RPP21: variants seen among roughly 807,000 people sequenced by gnomAD.
RPP21 encodes the protein ribonuclease P protein subunit p21.
Under a neutral mutation model 19.0 loss-of-function variants are expected in RPP21, and 21 were observed. The observed-to-expected ratio is 1.11, with a 90% CI of 0.78 to 1.59. RPP21 has a LOEUF of 1.59. Among genes scored for constraint, RPP21 ranks in the 40% most tolerant of loss-of-function variants. The pLI is 0.00. For missense variants in RPP21, 215 were observed against 200.2 expected (o/e 1.07, Z -0.45); for synonymous variants, 93 against 78.7 (o/e 1.18, Z -0.96).
At chr6:30,345,862 C>T (rs1788108359) in intron 3 of RPP21, 1 of 422,920 alleles carries the variant, frequency 2.4e-6, no homozygotes, top group African/African-American at 2.1e-5. Flanking sequence ...TGTTGTTCGG[C>T]TTTGTGGAGG....
In RPP21 at chr6:30,345,202, T is replaced by C. The variant is rs1295221386; in HGVS notation, c.31T>C (p.Phe11Leu). ...GGGGCCGGTGAAGGACCGCGAGGCC[T>C]TCCAGAGGCTCAACTTCCTGTACCA... MAGPVKDREAFQRLNFLYQAA... is the reference protein window; with the variant it reads MAGPVKDREALQRLNFLYQAA... The change falls in exon 1 of 5, where the codon TTC becomes CTC. Residue 11 changes from phenylalanine to leucine, a missense_variant. Transcript: ENST00000442966. 29 of 1,586,508 alleles carry C rather than the reference T, an allele frequency of 1.8e-5. No homozygotes were observed. Among genetic ancestry groups the C allele is most frequent in the Middle Eastern group, 3.3e-4 (2 of 6,058 alleles).
At chr6:30,345,865 T>C (rs767359273) in intron 3 of RPP21, 79 of 420,354 alleles carry the variant, frequency 1.9e-4, no homozygotes, top group Non-Finnish European at 2.9e-4. Flanking sequence ...TGTTCGGCTT[T>C]GTGGAGGACG....
At position 30,346,226 on chromosome 6, in the gene RPP21, T is replaced by G. The variant is rs999444994; in HGVS notation, c.242-206T>G. 3.0e-5 allele frequency: 26 copies of G among 867,992 alleles called. No individual in the cohort carries two copies. Among genetic ancestry groups the G allele is most frequent in the Non-Finnish European group, 3.5e-5 (21 of 600,874 alleles). 53.8% of individuals were successfully genotyped at this position (867,992 alleles called of 1,614,324 possible). A position where few individuals can be genotyped will look rare whatever the true frequency, so the allele number is the denominator to read the frequency against. On this transcript the variant is annotated intron_variant, in intron 3 of 4. Transcript: ENST00000442966. This position sits in a 1 kb window ranked among gnomAD's most constrained non-coding sequence, Gnocchi z 4.7. ...GGGGGAAACAGGCCAGTTCTTGAAG[T>G]CTTGTTAGGGAGTTTGAACTTTATC...
intron 3 of RPP21, 58 bp downstream of exon 3, chr6:30,345,631 G>T: frequency 1.4e-6 from 2 of 1,399,576 alleles, no homozygotes; most frequent in Non-Finnish European, 1.9e-6. Context: ...GAGGGGGGCG[G>T]GGTGGGGGGC....
At position 30,345,238 on chromosome 6, in the gene RPP21, C is replaced by T; in HGVS notation, c.57+10C>T. On this transcript the variant is annotated intron_variant, in intron 1 of 4. Coordinates refer to ENST00000442966, the MANE Select transcript of RPP21 (RefSeq NM_024839.4). ...CAACTTCCTGTACCAGGTGAGTCTG[C>T]GACAAGGGCCCCACGGGGACGGTGC... 1.9e-6 allele frequency: 3 copies of T among 1,610,082 alleles called. No homozygotes were observed. The highest frequency in any genetic ancestry group is 2.5e-6 in the Non-Finnish European group (3 of 1,178,474).
rs1301209515 is a variant in RPP21, at chr6:30,346,086, T to G, written c.242-346T>G. The G allele has an allele frequency of 4.0e-6, 1 of 251,338 alleles. No homozygotes were observed. Among genetic ancestry groups the G allele is most frequent in the Non-Finnish European group, 7.6e-6 (1 of 131,118 alleles). 15.6% of individuals were successfully genotyped at this position (251,338 alleles called of 1,614,324 possible). ...TATGATAAGCAAAGGGAGTGAGAGA[T>G]GGAAATTCTAGGCATGTGTGCAGAC... On this transcript the variant is annotated intron_variant, in intron 3 of 4. Transcript: ENST00000442966. This position sits in a 1 kb window ranked among gnomAD's most constrained non-coding sequence, Gnocchi z 4.7.
In RPP21 at chr6:30,346,387, C is replaced by T. The variant is rs747611436; in HGVS notation, c.242-45C>T. On this transcript the variant is annotated intron_variant, in intron 3 of 4. Coordinates refer to ENST00000442966, the MANE Select transcript of RPP21 (RefSeq NM_024839.4). The surrounding 1 kb of genome is among the most constrained non-coding windows in gnomAD (Gnocchi z 4.7). Reference sequence around the variant, plus strand: ...GGAGGCAAAACTGGCAGCAAGAGACCGTTACTTCTAAACGTGGACAGTCTT... The same window carrying T: ...GGAGGCAAAACTGGCAGCAAGAGACTGTTACTTCTAAACGTGGACAGTCTT... 1.9e-6 allele frequency: 3 copies of T among 1,590,358 alleles called. No individual in the cohort carries two copies. The highest frequency in any genetic ancestry group is 2.6e-6 in the Non-Finnish European group (3 of 1,162,454).
At chr6:30,345,979 AGACT>A (rs1362396536) in intron 3 of RPP21, 1 of 238,696 alleles carries the variant, frequency 4.2e-6, no homozygotes, top group East Asian at 9.8e-5. Context: ...CTGATGGGAC[AGACT>A]AAGAAACAAA....
At chr6:30,345,436 GGAGGAACGCGA>G in intron 2 of RPP21, 38 bp downstream of exon 2, 1 of 1,611,216 alleles carries the variant, frequency 6.2e-7, no homozygotes, top group South Asian at 1.1e-5. Flanking sequence ...GCGGGACGCG[GGAGGAACGCGA>G]GAGGGAGCGC....
chr6:30,345,488 C>A lies in RPP21; in HGVS notation c.159-3C>A. On this transcript the variant is annotated splice_region_variant and splice_polypyrimidine_tract_variant and intron_variant, in intron 2 of 4. Transcript: ENST00000442966. Reference sequence around the variant, plus strand: ...CCAGACCACTATCCTCCTCCGCCCCCAGGGATCCCTCGGTGAAGAGGACTC... The same window carrying A: ...CCAGACCACTATCCTCCTCCGCCCCAAGGGATCCCTCGGTGAAGAGGACTC... 1.2e-6 allele frequency: 2 copies of A among 1,609,294 alleles called. No individual in the cohort carries two copies. The highest frequency in any genetic ancestry group is 2.7e-5 in the African/African-American group (2 of 74,966).
At chr6:30,345,682 A>T in intron 3 of RPP21, 109 bp downstream of exon 3, 9 of 1,247,042 alleles carry the variant, frequency 7.2e-6, no homozygotes, top group African/African-American at 1.5e-5. Context: ...CTGTAGATGG[A>T]TGTTGGGTGT....
chr6:30,346,670 C>G lies in RPP21; in HGVS notation c.368-43C>G. On this transcript the variant is annotated intron_variant, in intron 4 of 4. Coordinates refer to ENST00000442966, the MANE Select transcript of RPP21 (RefSeq NM_024839.4). This position sits in a 1 kb window ranked among gnomAD's most constrained non-coding sequence, Gnocchi z 4.7. ...GGGTTGGTGTGAGAAGTACCACAGTCAGAAAACTAATTCTGTTTCTCTGAT... is the reference window on the plus strand; with the variant it reads ...GGGTTGGTGTGAGAAGTACCACAGTGAGAAAACTAATTCTGTTTCTCTGAT... 1 of 1,613,986 alleles carries G rather than the reference C, an allele frequency of 6.2e-7. No homozygotes were observed. The highest frequency in any genetic ancestry group is 1.6e-4 in the Middle Eastern group (1 of 6,062).
At chr6:30,345,774 G>T (rs28360030) in intron 3 of RPP21, 105,780 of 445,764 alleles carry the variant, frequency 0.24, 8,986 homozygotes, top group East Asian at 0.44. Context: ...GGGCTCGGCT[G>T]TTTTTTTTTT....
chr6:30,345,493 A>T lies in RPP21; in HGVS notation c.161A>T (p.Asp54Val). 1 of 1,607,642 alleles carries T rather than the reference A, an allele frequency of 6.2e-7. No homozygotes were observed. The highest frequency in any genetic ancestry group is 8.5e-7 in the Non-Finnish European group (1 of 1,177,066). The change falls in exon 3 of 5, where the codon GAT becomes GTT. Residue 54 changes from aspartate (D) to valine (V), a missense_variant and splice_region_variant. Transcript: ENST00000442966. Reference sequence around the variant, plus strand: ...CCACTATCCTCCTCCGCCCCCAGGGATCCCTCGGTGAAGAGGACTCTCTGT... The same window carrying T: ...CCACTATCCTCCTCCGCCCCCAGGGTTCCCTCGGTGAAGAGGACTCTCTGT... ...TIAKRLVLRR[D>V]PSVKRTLCRG... is the part of the protein sequence containing the mutation.
At position 30,345,571 on chromosome 6, in the gene RPP21, G is replaced by A. The variant is rs763118363; in HGVS notation, c.239G>A (p.Arg80Lys). ...GGCCTCACCTGCACCCAGCGCCAGA[G>A]ACGTGAGTGCTCCAACGGAGGTGGA... The part of the protein sequence containing the change: ...VPGLTCTQRQ[R>K]RCRGQRWTVQ... Residue 80 changes from arginine (R) to lysine (K), a missense_variant and splice_region_variant, in exon 3 of 5, where the codon AGA becomes AAA. Coordinates refer to ENST00000442966, the MANE Select transcript of RPP21 (RefSeq NM_024839.4). 2.0e-6 allele frequency: 3 copies of A among 1,525,914 alleles called. No homozygotes were observed. The highest frequency in any genetic ancestry group is 1.9e-5 in the Admixed American group (1 of 52,774). The allele number at this position is 1,525,914 out of a possible 1,614,324, so 94.5% of individuals were successfully genotyped here.
At position 30,346,732 on chromosome 6, in the gene RPP21, CT is replaced by C; in HGVS notation, c.389del (p.Leu130CysfsTer34). 1 of 1,613,458 alleles carries C rather than the reference CT, an allele frequency of 6.2e-7. No individual in the cohort carries two copies. Among genetic ancestry groups the C allele is most frequent in the Non-Finnish European group, 8.5e-7 (1 of 1,180,034 alleles). On this transcript the variant is annotated frameshift_variant, in exon 5 of 5. Coordinates refer to ENST00000442966, the MANE Select transcript of RPP21 (RefSeq NM_024839.4). LOFTEE classifies it low-confidence loss of function (END_TRUNC). The surrounding 1 kb of genome is among the most constrained non-coding windows in gnomAD (Gnocchi z 4.7). ...ACTCAGATTCCAAACCACTACAACC[CT>C]TGCCAAACACAGCCCACTCCATTTC... ...SQADSKPLQPLPNTAHSISDR... is the reference protein window; with the variant it reads ...SQADSKPLQPXPNTAHSISDR...
At chr6:30,345,861 G>A (rs540355802) in intron 3 of RPP21, 4 of 426,172 alleles carry the variant, frequency 9.4e-6, no homozygotes, top group East Asian at 7.9e-5. Context: ...ATGTTGTTCG[G>A]CTTTGTGGAG....
In RPP21 at chr6:30,345,340, C is replaced by G; in HGVS notation, c.100C>G (p.Leu34Val). The change falls in exon 2 of 5, where the codon CTG becomes GTG. Residue 34 changes from leucine (L) to valine (V), a missense_variant. Leu to Val is a conservative substitution (Grantham distance 32, BLOSUM62 1). Coordinates refer to ENST00000442966, the MANE Select transcript of RPP21 (RefSeq NM_024839.4). ...TGCCCAGGACCCCGAGAACCAGGCGCTGGCGAGGTTTTACTGCTACACTGA... is the reference window on the plus strand; with the variant it reads ...TGCCCAGGACCCCGAGAACCAGGCGGTGGCGAGGTTTTACTGCTACACTGA... Reference protein sequence around the residue: ...VLAQDPENQALARFYCYTERT... With the variant: ...VLAQDPENQAVARFYCYTERT... 6.2e-7 allele frequency: 1 copy of G among 1,613,548 alleles called. No homozygotes were observed. The highest frequency in any genetic ancestry group is 2.2e-5 in the East Asian group (1 of 44,864).
chr6:30,345,680 G>A, intron 3 of RPP21, 107 bp downstream of exon 3: 2 of 1,264,388 alleles, frequency 1.6e-6, no homozygotes, highest in African/African-American at 1.5e-5. Flanking sequence ...CACTGTAGAT[G>A]GATGTTGGGT....
Sources: allele counts gnomAD v4.1 joint callset, GRCh38; gene constraint gnomAD v4.1.1; non-coding constraint Gnocchi (gnomAD v3.1); transcripts MANE v1.5; gene names NCBI Gene and HGNC (gene_info 2026-07-23, HGNC 2026-07-21).